Variants in GPC6 observed in about 807,000 individuals in gnomAD.
GPC6 encodes glypican 6.
A neutral mutation model predicts 55.2 loss-of-function variants in GPC6; 14 were observed. The ratio of observed to expected loss-of-function variants is 0.25; its 90% CI spans 0.17 to 0.40. The LOEUF is 0.40. GPC6 is among the 10% of genes least tolerant of loss of function. The pLI is 1.00. For missense variants in GPC6, 641 were observed against 708.5 expected (o/e 0.90, Z 1.08); for synonymous variants, 278 against 259.6 (o/e 1.07, Z -0.68).
intron 2 of GPC6, among the ~76,000 whole-genome samples, chr13:93,733,849 G>T (rs920694197): frequency 6.6e-6 from 1 of 152,154 alleles, no homozygotes; most frequent in African/African-American, 2.4e-5. Context: ...TGACGAAGAG[G>T]CAGGTTCACT....
At chr13:93,812,159 G>A (rs558436614) in intron 2 of GPC6, among the ~76,000 whole-genome samples, 94 of 135,420 alleles carry the variant, frequency 6.9e-4, no homozygotes, top group Non-Finnish European at 1.2e-3. Context: ...GGGGGCGGGG[G>A]GTGGGTGGAT....
intron 3 of GPC6, among the ~76,000 whole-genome samples, chr13:93,846,334 G>A (rs948458938): frequency 6.6e-6 from 1 of 152,134 alleles, no homozygotes; most frequent in African/African-American, 2.4e-5. Flanking sequence ...AGATAGGTAT[G>A]GTTATCATTC....
At chr13:93,498,920 A>G (rs535085612) in intron 1 of GPC6, among the ~76,000 whole-genome samples, 2 of 152,328 alleles carry the variant, frequency 1.3e-5, no homozygotes, top group East Asian at 3.9e-4. Flanking sequence ...ATTTGTTAGC[A>G]TAATAGAATG....
intron 4 of GPC6, among the ~76,000 whole-genome samples, chr13:94,122,453 T>C (rs1886665952): frequency 6.6e-6 from 1 of 152,176 alleles, no homozygotes; most frequent in East Asian, 1.9e-4. Flanking sequence ...CCCTGAGGTG[T>C]GTTAGGTTTG....
chr13:93,368,351 T>G (rs906772168), intron 1 of GPC6, among the ~76,000 whole-genome samples: 5 of 80,456 alleles, frequency 6.2e-5, no homozygotes, highest in East Asian at 6.3e-4. Flanking sequence ...CTTCCTTCCT[T>G]CCTTCCTTCC....
chr13:93,676,504 G>T (rs1370749242), intron 2 of GPC6, among the ~76,000 whole-genome samples: 1 of 151,978 alleles, frequency 6.6e-6, no homozygotes, highest in Non-Finnish European at 1.5e-5. Context: ...GTGTAAGAGA[G>T]CTTGTGGGCA....
intron 3 of GPC6, among the ~76,000 whole-genome samples, chr13:94,009,050 A>G (rs1882136183): frequency 6.6e-6 from 1 of 152,226 alleles, no homozygotes; most frequent in African/African-American, 2.4e-5. Context: ...TTGAGTTATC[A>G]TTACAATTAT....
At chr13:93,798,635 C>T (rs1426148451) in intron 2 of GPC6, among the ~76,000 whole-genome samples, 2 of 152,006 alleles carry the variant, frequency 1.3e-5, no homozygotes, top group Non-Finnish European at 2.9e-5. Context: ...ATAGTGACAA[C>T]AGGCTGGGCG....
At chr13:93,845,126 G>A (rs1415699142) in intron 3 of GPC6, among the ~76,000 whole-genome samples, 10 of 152,022 alleles carry the variant, frequency 6.6e-5, no homozygotes, top group East Asian at 1.9e-4. Flanking sequence ...TTGGCGATGC[G>A]GGCTCTTTTT....
chr13:93,308,084 A>C (rs1878934890), intron 1 of GPC6, among the ~76,000 whole-genome samples: 1 of 152,122 alleles, frequency 6.6e-6, no homozygotes, highest in Non-Finnish European at 1.5e-5. Flanking sequence ...GGAGATCGAG[A>C]CCATCCTGGC....
intron 2 of GPC6, among the ~76,000 whole-genome samples, chr13:93,567,078 C>A (rs1359418743): frequency 1.3e-5 from 2 of 152,004 alleles, no homozygotes; most frequent in Admixed American, 6.6e-5. Context: ...GAGTATATAC[C>A]CAGTAATGGG....
intron 4 of GPC6, among the ~76,000 whole-genome samples, chr13:94,132,452 G>T (rs1233995769): frequency 6.6e-6 from 1 of 152,062 alleles, no homozygotes; most frequent in East Asian, 1.9e-4. Flanking sequence ...ACAGCCTTGT[G>T]GTCTGACAGA....
Position 94,403,381 on chromosome 13 carries a change from T to A in GPC6, c.*164T>A. 1 of 686,234 alleles carries A rather than the reference T, an allele frequency of 1.5e-6. No homozygotes were observed. The highest frequency in any genetic ancestry group is 2.6e-6 in the Non-Finnish European group (1 of 378,480). The allele number at this position is 686,234 out of a possible 1,614,324, so 42.5% of individuals were successfully genotyped here. A position where few individuals can be genotyped will look rare whatever the true frequency, so the allele number is the denominator to read the frequency against. ...CCTCCCTTTTTGTTTTCCCAAAGAG[T>A]ACCGGGTGCCAGACTGAACTGCTTC... On this transcript the variant is annotated 3_prime_UTR_variant, in exon 9 of 9. Coordinates refer to ENST00000377047, the MANE Select transcript of GPC6 (RefSeq NM_005708.5).
intron 4 of GPC6, among the ~76,000 whole-genome samples, chr13:94,064,318 C>G (rs752604509): frequency 1.3e-5 from 2 of 152,168 alleles, no homozygotes; most frequent in Non-Finnish European, 2.9e-5. Context: ...GCTTTTTCTT[C>G]TCATTTAATC....
chr13:93,621,463 A>G (rs969828559), intron 2 of GPC6, among the ~76,000 whole-genome samples: 1 of 152,182 alleles, frequency 6.6e-6, no homozygotes, highest in Non-Finnish European at 1.5e-5. Flanking sequence ...AACTTGGTTG[A>G]TAATAACTTG....
At chr13:94,138,073 T>C (rs1887248177) in intron 4 of GPC6, among the ~76,000 whole-genome samples, 1 of 152,094 alleles carries the variant, frequency 6.6e-6, no homozygotes, top group Non-Finnish European at 1.5e-5. Flanking sequence ...CATGTACAGG[T>C]TGAGCATCCC....
chr13:94,148,521 T>G (rs1433790008), intron 4 of GPC6, among the ~76,000 whole-genome samples: 1 of 152,210 alleles, frequency 6.6e-6, no homozygotes, highest in African/African-American at 2.4e-5. Context: ...GATATTATTT[T>G]GCAAGTCAAA....
chr13:93,977,419 G>A (rs999830027), intron 3 of GPC6, among the ~76,000 whole-genome samples: 4 of 150,018 alleles, frequency 2.7e-5, no homozygotes, highest in African/African-American at 9.9e-5. Flanking sequence ...AGTGTGTGCT[G>A]TTATTCCAAG....
At chr13:93,575,820 T>C (rs1876636468) in intron 2 of GPC6, among the ~76,000 whole-genome samples, 1 of 152,192 alleles carries the variant, frequency 6.6e-6, no homozygotes, top group Non-Finnish European at 1.5e-5. Flanking sequence ...ATGTCATCTC[T>C]GTGGTGCATG....
Sources: allele counts gnomAD v4.1 joint callset (sites outside exome capture counted in the v4.1 genomes callset), GRCh38; gene constraint gnomAD v4.1.1; transcripts MANE v1.5; gene names NCBI Gene and HGNC (gene_info 2026-07-23, HGNC 2026-07-21).